NCOA1: variants seen among roughly 807,000 people sequenced by gnomAD.
NCOA1 encodes the protein Hin-2 protein.
NCOA1 carries 35 observed loss-of-function variants against 150.9 expected under a neutral mutation model. That is an observed-to-expected ratio of 0.23 (90% CI 0.18 to 0.31). The LOEUF (loss-of-function observed/expected upper bound fraction) is 0.31, where lower values mean the gene tolerates loss of function less well. Among genes scored for constraint, NCOA1 ranks in the 10% least tolerant of loss-of-function variants. NCOA1 has a pLI of 1.00. For synonymous variants in NCOA1, 590 were observed against 630.0 expected, an observed-to-expected ratio of 0.94 and a Z score of 0.95; for missense variants, 1,491 against 1,749.3, an observed-to-expected ratio of 0.85 and a Z score of 2.63.
Position 24,564,419 on chromosome 2 carries a change from A to T in NCOA1, c.-271A>T, listed in dbSNP as rs1666410284. The T allele has an allele frequency of 1.3e-5, 2 of 152,216 alleles. No homozygotes were observed. Among genetic ancestry groups the T allele is most frequent in the African/African-American group, 4.8e-5 (2 of 41,442 alleles). The allele number at this position is 152,216 out of a possible 1,614,324, so 9.4% of individuals were successfully genotyped here. A position where few individuals can be genotyped will look rare whatever the true frequency, so the allele number is the denominator to read the frequency against. ...GAAGTTACCAACATTTAGAATTTCT[A>T]CTTATTCTGAGGTATTTGAGACACA... On this transcript the variant is annotated 5_prime_UTR_variant, in exon 2 of 23. Transcript: ENST00000348332.
intron 1 of NCOA1, among the ~76,000 whole-genome samples, chr2:24,549,027 C>T (rs1315937619): frequency 6.6e-6 from 1 of 152,102 alleles, no homozygotes; most frequent in Non-Finnish European, 1.5e-5. Context: ...GGGCTCTGAC[C>T]CCCACATTTC....
At chr2:24,661,275 C>T (rs1671173404) in intron 5 of NCOA1, among the ~76,000 whole-genome samples, 1 of 151,966 alleles carries the variant, frequency 6.6e-6, no homozygotes, top group African/African-American at 2.4e-5. Flanking sequence ...AACTGATCAC[C>T]TTTTTTTGGT....
intron 1 of NCOA1, among the ~76,000 whole-genome samples, chr2:24,523,737 C>T (rs1325306686): frequency 6.7e-6 from 1 of 149,460 alleles, no homozygotes; most frequent in Non-Finnish European, 1.5e-5. Flanking sequence ...ACCATCCTGG[C>T]CAACATGGTC....
chr2:24,726,324 T>G (rs1674620160), intron 14 of NCOA1, among the ~76,000 whole-genome samples: 1 of 152,188 alleles, frequency 6.6e-6, no homozygotes, highest in Non-Finnish European at 1.5e-5. Context: ...TCTGACAAAG[T>G]CCTGAGTGAT....
At chr2:24,734,581 G>C (rs1663192208) in intron 17 of NCOA1, among the ~76,000 whole-genome samples, 1 of 152,082 alleles carries the variant, frequency 6.6e-6, no homozygotes, top group South Asian at 2.1e-4. Flanking sequence ...GATTGCTTGA[G>C]GTTAGGAGTT....
At chr2:24,701,044 T>C (rs1673133927) in intron 11 of NCOA1, among the ~76,000 whole-genome samples, 1 of 152,230 alleles carries the variant, frequency 6.6e-6, no homozygotes, top group African/African-American at 2.4e-5. Context: ...TTTCACAGAA[T>C]ACTTTTTCCT....
At chr2:24,727,915 A>G (rs2148638578) in intron 15 of NCOA1, among the ~76,000 whole-genome samples, 1 of 152,348 alleles carries the variant, frequency 6.6e-6, no homozygotes, top group South Asian at 2.1e-4. Context: ...AATGGCATTC[A>G]TAAAAGGTAA....
intron 3 of NCOA1, among the ~76,000 whole-genome samples, chr2:24,589,484 C>T (rs1463835654): frequency 6.6e-6 from 1 of 152,148 alleles, no homozygotes; most frequent in Non-Finnish European, 1.5e-5. Context: ...CTAAATGTAC[C>T]TTCTTCCATG....
intron 2 of NCOA1, among the ~76,000 whole-genome samples, chr2:24,569,492 G>A (rs553713454): frequency 2.0e-5 from 3 of 150,814 alleles, no homozygotes; most frequent in South Asian, 4.2e-4. Flanking sequence ...CTGAATTACG[G>A]TGCAAAATAA....
intron 1 of NCOA1, among the ~76,000 whole-genome samples, chr2:24,498,180 A>C (rs760891859): frequency 6.6e-6 from 1 of 152,202 alleles, no homozygotes; most frequent in Non-Finnish European, 1.5e-5. Flanking sequence ...TGCAATGTCT[A>C]ATATCTCCCT....
At chr2:24,580,128 G>A (rs950423377) in intron 2 of NCOA1, among the ~76,000 whole-genome samples, 2 of 152,058 alleles carry the variant, frequency 1.3e-5, no homozygotes, top group Non-Finnish European at 2.9e-5. Context: ...TTCTCTTATA[G>A]GTAAATTATC....
chr2:24,695,571 G>C (rs959241378), intron 10 of NCOA1, among the ~76,000 whole-genome samples: 3 of 152,060 alleles, frequency 2.0e-5, no homozygotes, highest in Non-Finnish European at 4.4e-5. Flanking sequence ...TAGCTAAAAA[G>C]AATAAGTATA....
chr2:24,640,978 T>C lies in NCOA1; in HGVS notation c.-174-2988T>C, dbSNP rs189532883. On this transcript the variant is annotated intron_variant, in intron 3 of 22. Transcript: ENST00000348332. ...GTTTAAGATACCATTTGCTCCTTGTTCTTCTTTTCCTACTTTCTTGCCTTC... is the reference window on the plus strand; with the variant it reads ...GTTTAAGATACCATTTGCTCCTTGTCCTTCTTTTCCTACTTTCTTGCCTTC... Among the ~76,000 whole-genome samples the C allele has an allele frequency of 7.2e-5, 11 of 152,224 alleles. No homozygotes were observed. The East Asian group carries it at 2.1e-3, about 29-fold the overall frequency.
intron 2 of NCOA1, among the ~76,000 whole-genome samples, chr2:24,583,172 A>G (rs1257707751): frequency 1.3e-5 from 2 of 152,192 alleles, no homozygotes; most frequent in Non-Finnish European, 2.9e-5. Context: ...TCTTCTGATA[A>G]GAGATTAATA....
intron 3 of NCOA1, among the ~76,000 whole-genome samples, chr2:24,597,295 A>G (rs1377513669): frequency 6.6e-6 from 1 of 152,232 alleles, no homozygotes; most frequent in Non-Finnish European, 1.5e-5. Flanking sequence ...CAGAGACATC[A>G]GTTAAATCAA....
chr2:24,621,308 AT>A (rs1209930202), intron 3 of NCOA1, among the ~76,000 whole-genome samples: 1 of 151,866 alleles, frequency 6.6e-6, no homozygotes, highest in Admixed American at 6.6e-5. Flanking sequence ...TATCTGGTAT[AT>A]TTAAAATCTC....
intron 2 of NCOA1, among the ~76,000 whole-genome samples, chr2:24,576,690 G>T (rs1667006345): frequency 6.6e-6 from 1 of 152,064 alleles, no homozygotes; most frequent in South Asian, 2.1e-4. Flanking sequence ...TTAAGATGTG[G>T]GCCTAAGTTA....
At chr2:24,701,548 A>G (rs1673160801) in intron 11 of NCOA1, among the ~76,000 whole-genome samples, 1 of 151,242 alleles carries the variant, frequency 6.6e-6, no homozygotes, top group East Asian at 1.9e-4. Flanking sequence ...AGCACAGCAT[A>G]TATAATATGA....
At chr2:24,630,044 A>C (rs1283172190) in intron 3 of NCOA1, among the ~76,000 whole-genome samples, 1 of 151,706 alleles carries the variant, frequency 6.6e-6, no homozygotes, top group Non-Finnish European at 1.5e-5. Context: ...ACGGGGTTTC[A>C]CTGTGTTAGC....
Sources: gnomAD v4.1 joint callset for allele counts (sites outside exome capture counted in the v4.1 genomes callset) on GRCh38, gnomAD v4.1.1 for gene constraint, MANE v1.5 for transcripts, NCBI Gene and HGNC (gene_info 2026-07-23, HGNC 2026-07-21) for gene names.